The following FUNDC1 variants were observed in gnomAD, a reference collection of about 807,000 sequenced individuals.
The protein encoded by FUNDC1 is FUN14 domain-containing protein 1.
Under a neutral mutation model 14.5 loss-of-function variants are expected in FUNDC1, and 10 were observed. That is an observed-to-expected ratio of 0.69 (90% CI 0.43 to 1.17). FUNDC1 has a LOEUF of 1.17. FUNDC1 is among the 50% of genes most tolerant of loss of function. The pLI, the probability that FUNDC1 is intolerant of heterozygous loss-of-function variation, is 0.00. For missense variants in FUNDC1, 115 were observed against 113.8 expected, an observed-to-expected ratio of 1.01 and a Z score of -0.05; for synonymous variants, 33 against 39.7, an observed-to-expected ratio of 0.83 and a Z score of 0.64.
intron 4 of FUNDC1, among the ~76,000 whole-genome samples, chrX:44,525,777 C>T (rs1479411744): frequency 1.8e-5 from 2 of 109,563 alleles, no homozygotes; most frequent in East Asian, 2.9e-4. Context: ...CCCAGGTGCT[C>T]GAGGCTGCAG....
At chrX:44,535,986 TA>T (rs778462718) in intron 3 of FUNDC1, among the ~76,000 whole-genome samples, 200 of 82,372 alleles carry the variant, frequency 2.4e-3, no homozygotes, top group Admixed American at 2.6e-3. Context: ...AACTCTTGTC[TA>T]AAAAAAAAAA....
rs1477318576 is a variant in FUNDC1, at chrX:44,531,312, C to CACACACACACACACACACACACA, written c.262-3948_262-3947insTGTGTGTGTGTGTGTGTGTGTGT. Among the ~76,000 whole-genome samples, 2 of 22,797 alleles carry CACACACACACACACACACACACA rather than the reference C, an allele frequency of 8.8e-5. 1 individual carries two copies. Among genetic ancestry groups the CACACACACACACACACACACACA allele is most frequent in the Non-Finnish European group, 1.3e-4 (2 of 15,889 alleles). The allele number at this position is 22,797 out of a possible 115,157, so 19.8% of individuals were successfully genotyped here. ...GCTTTCAGATGAAGATTCATGTTGGCCAGACACACACACACACACACACAC... is the reference window on the plus strand; with the variant it reads ...GCTTTCAGATGAAGATTCATGTTGGCACACACACACACACACACACACACAGACACACACACACACACACACAC... On this transcript the variant is annotated intron_variant, in intron 3 of 4. Coordinates refer to ENST00000378045, the MANE Select transcript of FUNDC1 (RefSeq NM_173794.4).
intron 2 of FUNDC1, among the ~76,000 whole-genome samples, chrX:44,539,962 T>C (rs2038964098): frequency 9.0e-6 from 1 of 111,159 alleles, no homozygotes; most frequent in Non-Finnish European, 1.9e-5. Flanking sequence ...CCACCGCACC[T>C]GGCCTCCACA....
At chrX:44,531,765 AAC>A (rs143142516) in intron 3 of FUNDC1, among the ~76,000 whole-genome samples, 33,958 of 86,940 alleles carry the variant, frequency 0.39, 5,715 homozygotes, top group Middle Eastern at 0.49. Context: ...AGAAGCTTAA[AAC>A]ACACACACAC....
intron 3 of FUNDC1, among the ~76,000 whole-genome samples, chrX:44,530,927 A>AAAAT (rs1299800892): frequency 2.7e-5 from 3 of 109,310 alleles, no homozygotes; most frequent in East Asian, 5.8e-4. Flanking sequence ...GACTGTCTCA[A>AAAAT]AAATAAATAA....
Position 44,542,737 on chromosome X carries a change from T to G in FUNDC1, c.28+68A>C, listed in dbSNP as rs2038977748. 4.9e-6 allele frequency: 5 copies of G among 1,026,633 alleles called. No homozygotes were observed. In the East Asian group the frequency reaches 1.1e-4, roughly 22 times the overall value. The allele number at this position is 1,026,633 out of a possible 1,213,427, so 84.6% of individuals were successfully genotyped here. A position where few individuals can be genotyped will look rare whatever the true frequency, so the allele number is the denominator to read the frequency against. On this transcript the variant is annotated intron_variant, in intron 1 of 4. Transcript: ENST00000378045. ...ATCCTAGGGCAGGGGAAGGAAGAGG[T>G]GCCATAGGAGCAAGGTCGAGAGCTG...
At position 44,524,129 on chromosome X, in the gene FUNDC1, G is replaced by C; in HGVS notation, c.*69C>G. 2 of 743,259 alleles carry C rather than the reference G, an allele frequency of 2.7e-6. No homozygotes were observed. Among genetic ancestry groups the C allele is most frequent in the Non-Finnish European group, 4.2e-6 (2 of 475,793 alleles). The allele number at this position is 743,259 out of a possible 1,213,427, so 61.3% of individuals were successfully genotyped here. A position where few individuals can be genotyped will look rare whatever the true frequency, so the allele number is the denominator to read the frequency against. On this transcript the variant is annotated 3_prime_UTR_variant, in exon 5 of 5. Transcript: ENST00000378045. ...TAGAGACTCTGGCAGTATGACTTTT[G>C]AGAGACTGCCTTATTGCTGCCACTT...
In FUNDC1 at chrX:44,540,104, C is replaced by T. The variant is rs150234356; in HGVS notation, c.186-1562G>A. On this transcript the variant is annotated intron_variant, in intron 2 of 4. Coordinates refer to ENST00000378045, the MANE Select transcript of FUNDC1 (RefSeq NM_173794.4). ...TCTCAACACCTCCCATCTCTCCTAG[C>T]AAGGACCCATCCTAATAGTTTTAAT... Among the ~76,000 whole-genome samples, 53 of 111,207 alleles carry T rather than the reference C, an allele frequency of 4.8e-4. No homozygotes were observed. The East Asian group carries it at 0.01, about 21-fold the overall frequency.
chrX:44,538,419 T>G, intron 3 of FUNDC1, 48 bp downstream of exon 3: 1 of 993,059 alleles, frequency 1.0e-6, no homozygotes, highest in East Asian at 3.0e-5. Context: ...AAAAGAAAAA[T>G]TCCACCTTCT....
At chrX:44,531,319 C>CAG (rs2038924320) in intron 3 of FUNDC1, among the ~76,000 whole-genome samples, 3 of 34,515 alleles carry the variant, frequency 8.7e-5, no homozygotes, top group African/African-American at 4.1e-4. Context: ...TGGCCAGACA[C>CAG]ACACACACAC....
chrX:44,538,359 CAA>C (rs1363341395), intron 3 of FUNDC1, 106 bp downstream of exon 3: 1 of 557,938 alleles, frequency 1.8e-6, no homozygotes, highest in Non-Finnish European at 3.0e-6. Context: ...TCTTTCAAGA[CAA>C]AAGTCAGCTT....
intron 2 of FUNDC1, among the ~76,000 whole-genome samples, chrX:44,539,000 G>A (rs2038959977): frequency 1.8e-5 from 2 of 111,337 alleles, no homozygotes; most frequent in African/African-American, 6.5e-5. Flanking sequence ...TAATCTCCCT[G>A]CTTCTAGGGG....
At chrX:44,532,452 G>A (rs1156904982) in intron 3 of FUNDC1, among the ~76,000 whole-genome samples, 2 of 107,215 alleles carry the variant, frequency 1.9e-5, no homozygotes, top group South Asian at 4.0e-4. Context: ...GGGAAAAGCT[G>A]GTGGATCCTC....
intron 3 of FUNDC1, among the ~76,000 whole-genome samples, chrX:44,529,269 A>G (rs1411895622): frequency 8.9e-6 from 1 of 111,958 alleles, no homozygotes; most frequent in East Asian, 2.8e-4. Context: ...CATTCTATAC[A>G]CAAAATATTT....
intron 2 of FUNDC1, 112 bp downstream of exon 2, chrX:44,541,833 G>A: frequency 1.6e-6 from 1 of 615,753 alleles, no homozygotes; most frequent in Non-Finnish European, 2.4e-6. Flanking sequence ...AGCCTCTTCT[G>A]GAATTAACAG....
intron 3 of FUNDC1, among the ~76,000 whole-genome samples, chrX:44,533,289 G>A (rs2038933551): frequency 9.0e-6 from 1 of 110,771 alleles, no homozygotes; most frequent in Non-Finnish European, 1.9e-5. Context: ...TGGGTTGGAG[G>A]AGGACAAGTC....
intron 3 of FUNDC1, among the ~76,000 whole-genome samples, chrX:44,527,910 T>C (rs1253774779): frequency 8.9e-6 from 1 of 112,089 alleles, no homozygotes; most frequent in Non-Finnish European, 1.9e-5. Flanking sequence ...TTAAGAATAC[T>C]TTCTGGTAAT....
At position 44,531,293 on chromosome X, in the gene FUNDC1, AGATGAAGATTCATGTTGGC is replaced by A. The variant is rs1569187064; in HGVS notation, c.262-3947_262-3929del. 3.8e-3 allele frequency among the ~76,000 whole-genome samples: 149 copies of A among 39,632 alleles called. 15 individuals carry two copies. The highest frequency in any genetic ancestry group is 0.034 in the African/African-American group (65 of 1,931). The allele number at this position is 39,632 out of a possible 115,157, so 34.4% of individuals were successfully genotyped here. A position where few individuals can be genotyped will look rare whatever the true frequency, so the allele number is the denominator to read the frequency against. On this transcript the variant is annotated intron_variant, in intron 3 of 4. Coordinates refer to ENST00000378045, the MANE Select transcript of FUNDC1 (RefSeq NM_173794.4). ...ACACACACACACACACACGGCTTTCAGATGAAGATTCATGTTGGCCAGACACACACACACACACACACAC... is the reference window on the plus strand; with the variant it reads ...ACACACACACACACACACGGCTTTCACAGACACACACACACACACACACAC...
chrX:44,539,769 C>T (rs1191098674), intron 2 of FUNDC1, among the ~76,000 whole-genome samples: 1 of 111,375 alleles, frequency 9.0e-6, no homozygotes, highest in Non-Finnish European at 1.9e-5. Flanking sequence ...CGGGTTCAAG[C>T]AATTCTCCTG....
Sources: allele counts gnomAD v4.1 joint callset (sites outside exome capture counted in the v4.1 genomes callset), GRCh38; gene constraint gnomAD v4.1.1; transcripts MANE v1.5; gene names NCBI Gene and HGNC (gene_info 2026-07-23, HGNC 2026-07-21).